RANBP2: variants seen among roughly 807,000 people sequenced by gnomAD.
The protein encoded by RANBP2 is RAN binding protein 2.
A neutral mutation model predicts 303.6 loss-of-function variants in RANBP2; 57 were observed. The ratio of observed to expected loss-of-function variants is 0.19; its 90% CI spans 0.15 to 0.23. RANBP2 has a LOEUF of 0.23. Ranked by LOEUF, RANBP2 falls within the 10% of genes least tolerant of loss-of-function variation. RANBP2 has a pLI of 1.00. For synonymous variants in RANBP2, 1,167 were observed against 1,301.5 expected, an observed-to-expected ratio of 0.90 and a Z score of 2.23; for missense variants, 3,138 against 3,780.8, an observed-to-expected ratio of 0.83 and a Z score of 4.46.
At chr2:108,854,327 A>G in the RANBP2 span, among the ~76,000 whole-genome samples, 9 of 151,638 alleles carry the variant, frequency 5.9e-5, no homozygotes, top group Admixed American at 4.0e-4. Flanking sequence ...CTTCAACTCT[A>G]TAGTCAGACA....
At chr2:109,489,897 T>C in the RANBP2 span, among the ~76,000 whole-genome samples, 4 of 152,204 alleles carry the variant, frequency 2.6e-5, no homozygotes, top group Admixed American at 6.5e-5. Flanking sequence ...GCCACCACAC[T>C]CAGCTAATTT....
chr2:109,297,933 C>A, the RANBP2 span, among the ~76,000 whole-genome samples: 1 of 151,622 alleles, frequency 6.6e-6, no homozygotes, highest in Admixed American at 6.6e-5. Context: ...ATGTGTGTTC[C>A]CCCCCCACCA....
At chr2:109,011,864 ATGTGTGTGCGTG>A in the RANBP2 span, among the ~76,000 whole-genome samples, 1 of 151,510 alleles carries the variant, frequency 6.6e-6, no homozygotes, top group Non-Finnish European at 1.5e-5. Context: ...GTGCATGTAT[ATGTGTGTGCGTG>A]TATGTGTGCA....
chr2:108,882,964 T>A, the RANBP2 span: 1 of 150,400 alleles, frequency 6.6e-6, no homozygotes, highest in African/African-American at 2.5e-5. Context: ...GAGGTAGGGG[T>A]TTAAGGATGG....
the RANBP2 span, among the ~76,000 whole-genome samples, chr2:109,113,714 G>A: frequency 1.3e-5 from 2 of 152,184 alleles, no homozygotes; most frequent in Non-Finnish European, 2.9e-5. Flanking sequence ...TCTTGTGCCA[G>A]TTTTCAAAGG....
the RANBP2 span, among the ~76,000 whole-genome samples, chr2:109,074,870 A>G: frequency 1.4e-5 from 2 of 148,056 alleles, no homozygotes; most frequent in Non-Finnish European, 3.0e-5. Context: ...AAAATACAAA[A>G]ATTAGCTGGG....
the RANBP2 span, among the ~76,000 whole-genome samples, chr2:109,027,639 A>G: frequency 6.6e-6 from 1 of 152,114 alleles, no homozygotes; most frequent in African/African-American, 2.4e-5. Context: ...ACTGACGTGG[A>G]CAAAGTATCT....
At chr2:108,720,094 C>A (rs1368724315) in intron 1 of RANBP2, 4 of 984,474 alleles carry the variant, frequency 4.1e-6, no homozygotes, top group African/African-American at 3.5e-5. Flanking sequence ...CGGCGGAGGT[C>A]GTACCTCCTT....
the RANBP2 span, among the ~76,000 whole-genome samples, chr2:108,937,877 C>A: frequency 1.3e-5 from 2 of 152,158 alleles, no homozygotes; most frequent in African/African-American, 4.8e-5. Flanking sequence ...TCGGGTGGGG[C>A]CTTCCCAAAA....
the RANBP2 span, among the ~76,000 whole-genome samples, chr2:109,087,340 A>ATGC: frequency 6.6e-6 from 1 of 152,104 alleles, no homozygotes; most frequent in Non-Finnish European, 1.5e-5. Flanking sequence ...GCCTCACAAA[A>ATGC]TGCTGCTGCG....
chr2:108,731,496 G>A (rs1695166707), intron 4 of RANBP2, 22 bp downstream of exon 4: 2 of 1,610,524 alleles, frequency 1.2e-6, no homozygotes, highest in Non-Finnish European at 1.7e-6. Flanking sequence ...AAACATAAAG[G>A]GAGAAAACTT....
chr2:108,812,123 A>G, the RANBP2 span, among the ~76,000 whole-genome samples: 1 of 152,186 alleles, frequency 6.6e-6, no homozygotes, highest in Non-Finnish European at 1.5e-5. Flanking sequence ...TATTAAAAGA[A>G]AATAAAACCT....
the RANBP2 span, among the ~76,000 whole-genome samples, chr2:109,221,690 C>G: frequency 6.6e-6 from 1 of 151,908 alleles, no homozygotes; most frequent in East Asian, 1.9e-4. Context: ...ATGTCTCTTC[C>G]TTTCCTTCCC....
the RANBP2 span, among the ~76,000 whole-genome samples, chr2:109,142,768 A>T: frequency 0.035 from 5,282 of 152,138 alleles, 364 homozygotes; most frequent in East Asian, 0.21. Context: ...AGCATCGAGG[A>T]TTGTTGTTGA....
chr2:109,568,059 A>G, the RANBP2 span: 4 of 1,081,100 alleles, frequency 3.7e-6, no homozygotes, highest in Non-Finnish European at 5.3e-6. Context: ...AAAACTGTTC[A>G]TTCTGACAAT....
chr2:109,654,475 A>G, the RANBP2 span, among the ~76,000 whole-genome samples: 1 of 152,014 alleles, frequency 6.6e-6, no homozygotes, highest in Non-Finnish European at 1.5e-5. Flanking sequence ...TAGTACATGA[A>G]GAAGCCAGCC....
At chr2:109,688,275 C>A in the RANBP2 span, among the ~76,000 whole-genome samples, 2 of 152,170 alleles carry the variant, frequency 1.3e-5, no homozygotes, top group African/African-American at 2.4e-5. Context: ...GCCTTGGCAA[C>A]CCCTCCCTGG....
chr2:109,068,400 A>G, the RANBP2 span, among the ~76,000 whole-genome samples: 1 of 152,200 alleles, frequency 6.6e-6, no homozygotes, highest in Admixed American at 6.5e-5. Flanking sequence ...AGAAACCCGC[A>G]TCCAGACTGT....
chr2:109,013,571 A>G, the RANBP2 span, among the ~76,000 whole-genome samples: 2 of 152,000 alleles, frequency 1.3e-5, no homozygotes, highest in Non-Finnish European at 2.9e-5. Context: ...TATATTGCAA[A>G]GTGCAAGGCA....
Sources: gnomAD v4.1 joint callset for allele counts (sites outside exome capture counted in the v4.1 genomes callset) on GRCh38, gnomAD v4.1.1 for gene constraint, MANE v1.5 for transcripts, NCBI Gene and HGNC (gene_info 2026-07-23, HGNC 2026-07-21) for gene names.